RP1: variants seen among roughly 807,000 people sequenced by gnomAD.
RP1 encodes the protein oxygen-regulated protein 1.
Under a neutral mutation model 14.8 loss-of-function variants are expected in RP1, and 16 were observed. The ratio of observed to expected loss-of-function variants is 1.08; its 90% CI spans 0.73 to 1.65. The LOEUF (loss-of-function observed/expected upper bound fraction) is 1.65, where lower values mean the gene tolerates loss of function less well. Ranked by LOEUF, RP1 falls within the 40% of genes most tolerant of loss-of-function variation. The probability of loss-of-function intolerance (pLI) is 0.00; values close to 1 mark genes in which losing one functional copy is unlikely to be tolerated. For missense variants in RP1, 2,631 were observed against 2,535.0 expected (o/e 1.04, Z -0.81); for synonymous variants, 876 against 883.6 (o/e 0.99, Z 0.15).
chr8:54,586,901 T>C lies in RP1; in HGVS notation c.-13+27581T>C, dbSNP rs563463123. Among the ~76,000 whole-genome samples, 44 of 152,236 alleles carry C rather than the reference T, an allele frequency of 2.9e-4. No homozygotes were observed. In the South Asian group the frequency reaches 8.9e-3, roughly 31 times the overall value. Reference sequence around the variant, plus strand: ...TTCCAGGTGCCGTCTGTCACCCCTTTATTTGACTAGGAAAGGGAATTCCCT... The same window carrying C: ...TTCCAGGTGCCGTCTGTCACCCCTTCATTTGACTAGGAAAGGGAATTCCCT... On this transcript the variant is annotated intron_variant, in intron 1 of 22. Transcript: ENST00000636932.
intron 1 of RP1, among the ~76,000 whole-genome samples, chr8:54,578,718 T>G (rs1367564876): frequency 1.3e-5 from 2 of 152,244 alleles, no homozygotes; most frequent in Non-Finnish European, 2.9e-5. Flanking sequence ...TGCTGTGTTC[T>G]TTTGTTTAGT....
intron 23 of RP1, among the ~76,000 whole-genome samples, chr8:54,775,024 G>T (rs1809998788): frequency 6.6e-6 from 1 of 151,938 alleles, no homozygotes; most frequent in African/African-American, 2.4e-5. Flanking sequence ...AGCTTTCCTG[G>T]GTTCTACTCA....
At chr8:54,696,412 G>C in intron 12 of RP1, 3 of 701,358 alleles carry the variant, frequency 4.3e-6, no homozygotes, top group Non-Finnish European at 7.5e-6. Flanking sequence ...CGGAGCAAGA[G>C]CAAAGAAAAA....
intron 1 of RP1, among the ~76,000 whole-genome samples, chr8:54,605,680 C>G (rs1444556410): frequency 6.6e-6 from 1 of 152,158 alleles, no homozygotes; most frequent in South Asian, 2.1e-4. Context: ...GTCTAAGTCT[C>G]TTTGCAGGTC....
intron 1 of RP1, among the ~76,000 whole-genome samples, chr8:54,610,456 C>T (rs1212826679): frequency 2.6e-5 from 4 of 152,172 alleles, no homozygotes; most frequent in African/African-American, 9.7e-5. Flanking sequence ...ATCAGTGCAT[C>T]ACGTTTATAC....
intron 1 of RP1, among the ~76,000 whole-genome samples, chr8:54,593,295 C>T (rs1482434001): frequency 1.3e-5 from 2 of 152,136 alleles, no homozygotes; most frequent in South Asian, 4.1e-4. Context: ...TATAGAACCA[C>T]CATTTTATTT....
At chr8:54,654,018 T>C (rs1048365455) in intron 5 of RP1, among the ~76,000 whole-genome samples, 2 of 152,222 alleles carry the variant, frequency 1.3e-5, no homozygotes, top group Non-Finnish European at 2.9e-5. Context: ...GCTGAAAATT[T>C]CTATTGTCTT....
intron 12 of RP1, chr8:54,696,669 T>C (rs753253712): frequency 6.2e-6 from 5 of 810,928 alleles, no homozygotes; most frequent in Non-Finnish European, 1.0e-5. Context: ...GCCTTTGTTG[T>C]ACGCATCAAA....
At chr8:54,773,782 T>A (rs1296621829), downstream of RP1, among the ~76,000 whole-genome samples, 3 of 152,226 alleles carry the variant, frequency 2.0e-5, no homozygotes, top group African/African-American at 7.2e-5. Context: ...TGTTTCATTT[T>A]AATGACTCAG....
chr8:54,603,645 C>T (rs1447350647), intron 1 of RP1, among the ~76,000 whole-genome samples: 5 of 152,234 alleles, frequency 3.3e-5, no homozygotes, highest in Middle Eastern at 3.4e-3. Flanking sequence ...GCCATTTTCA[C>T]GATATTGATT....
chr8:54,603,476 C>T (rs1410828844), intron 1 of RP1, among the ~76,000 whole-genome samples: 1 of 152,146 alleles, frequency 6.6e-6, no homozygotes, highest in African/African-American at 2.4e-5. Context: ...TAGCGTGGTG[C>T]CTCCAGCTTT....
intron 1 of RP1, among the ~76,000 whole-genome samples, chr8:54,570,649 T>G (rs1804500583): frequency 6.6e-6 from 1 of 151,772 alleles, no homozygotes; most frequent in African/African-American, 2.4e-5. Context: ...TTTTTTTTTT[T>G]TTAATCAAAC....
chr8:54,599,591 C>T (rs1805227872), intron 1 of RP1, among the ~76,000 whole-genome samples: 6 of 151,884 alleles, frequency 4.0e-5, no homozygotes, highest in Admixed American at 3.9e-4. Context: ...CCCGAGTAGG[C>T]TACAGGTGCA....
In RP1 at chr8:54,624,854, T is replaced by G; in HGVS notation, c.972T>G (p.Ile324Met). The change falls in exon 4 of 4, where the codon ATT becomes ATG. Residue 324 changes from isoleucine (I) to methionine (M), a missense_variant. Transcript: ENST00000220676. ...PSEDDIEKSIIFNQDGTMTVE... is the reference protein window; with the variant it reads ...PSEDDIEKSIMFNQDGTMTVE... ...AAGATGATATTGAGAAATCAATTAT[T>G]TTTAATCAAGACGGCACTATGACAG... is the stretch of plus-strand genomic sequence containing the variant. 5.0e-6 allele frequency: 8 copies of G among 1,613,368 alleles called. No individual in the cohort carries two copies. The highest frequency in any genetic ancestry group is 6.8e-6 in the Non-Finnish European group (8 of 1,179,804).
At chr8:54,718,813 C>T (rs1445220513) in intron 15 of RP1, among the ~76,000 whole-genome samples, 1 of 152,092 alleles carries the variant, frequency 6.6e-6, no homozygotes, top group African/African-American at 2.4e-5. Context: ...GTAAAATAAT[C>T]AGTGGTTGCT....
chr8:54,792,392 C>T (rs1414638480), intron 24 of RP1, among the ~76,000 whole-genome samples: 1 of 151,844 alleles, frequency 6.6e-6, no homozygotes, highest in Non-Finnish European at 1.5e-5. Context: ...AACATTTCAT[C>T]CAACAACAGA....
At chr8:54,584,438 G>T (rs1804869333) in intron 1 of RP1, among the ~76,000 whole-genome samples, 1 of 152,144 alleles carries the variant, frequency 6.6e-6, no homozygotes, top group Admixed American at 6.6e-5. Context: ...GTCAATTTTG[G>T]AATAGGTGTG....
chr8:54,846,271 C>G (rs1313020923), intron 25 of RP1, among the ~76,000 whole-genome samples: 3 of 152,248 alleles, frequency 2.0e-5, no homozygotes, highest in Admixed American at 1.3e-4. Flanking sequence ...ATAAGGCCAT[C>G]TTTCTAGACA....
At chr8:54,848,018 T>C (rs1315961332) in intron 25 of RP1, among the ~76,000 whole-genome samples, 1 of 152,234 alleles carries the variant, frequency 6.6e-6, no homozygotes, top group African/African-American at 2.4e-5. Context: ...TTTAATCTGC[T>C]CTTAATTTTA....
Sources: gnomAD v4.1 joint callset for allele counts (sites outside exome capture counted in the v4.1 genomes callset) on GRCh38, gnomAD v4.1.1 for gene constraint, MANE v1.5 for transcripts, NCBI Gene and HGNC (gene_info 2026-07-23, HGNC 2026-07-21) for gene names.